PHF24: variants seen among roughly 807,000 people sequenced by gnomAD.
PHF24 encodes the protein PHD finger protein 24, also known as Galpha inhibitory interacting protein.
PHF24 carries 25 observed loss-of-function variants against 42.6 expected under a neutral mutation model. That is an observed-to-expected ratio of 0.59 (90% CI 0.43 to 0.82). The LOEUF (loss-of-function observed/expected upper bound fraction) is 0.82. Ranked by LOEUF, PHF24 falls within the 40% of genes least tolerant of loss-of-function variation. The pLI is 0.00. For synonymous variants in PHF24, 185 were observed against 204.8 expected (o/e 0.90, Z 0.83); for missense variants, 470 against 538.1 (o/e 0.87, Z 1.25).
At chr9:34,723,960 G>T in the PHF24 span, 1 of 1,550,934 alleles carries the variant, frequency 6.4e-7, no homozygotes. Context: ...CAGGACCCTC[G>T]GGGTGTCTTG....
chr9:34,962,307 C>A (rs969680543), intron 1 of PHF24, among the ~76,000 whole-genome samples: 2 of 152,158 alleles, frequency 1.3e-5, no homozygotes, highest in African/African-American at 4.8e-5. Flanking sequence ...ATGATGGAGT[C>A]CCCATATAGC....
At chr9:34,933,724 C>CAA in the PHF24 span, among the ~76,000 whole-genome samples, 34 of 110,604 alleles carry the variant, frequency 3.1e-4, no homozygotes, top group East Asian at 6.7e-3. Context: ...GACTCTGTCT[C>CAA]AAAAAAAAAA....
chr9:34,739,724 G>T, the PHF24 span, among the ~76,000 whole-genome samples: 1 of 152,268 alleles, frequency 6.6e-6, no homozygotes, highest in East Asian at 1.9e-4. Flanking sequence ...ACCAGCAAGA[G>T]TTATTGCAAA....
chr9:34,724,789 G>A, the PHF24 span: 732,799 of 1,528,948 alleles, frequency 0.48, 178,933 homozygotes, highest in East Asian at 0.62. Flanking sequence ...GGATTTCCAC[G>A]GGACTAGGCT....
the PHF24 span, among the ~76,000 whole-genome samples, chr9:34,943,907 C>G: frequency 6.6e-6 from 1 of 152,248 alleles, no homozygotes; most frequent in African/African-American, 2.4e-5. Context: ...GGAGCCACCA[C>G]TGTGGTGCTA....
At chr9:34,671,822 T>G in the PHF24 span, among the ~76,000 whole-genome samples, 4 of 151,782 alleles carry the variant, frequency 2.6e-5, no homozygotes, top group Admixed American at 2.0e-4. Context: ...CATCCATCCA[T>G]CCATCCATCC....
chr9:34,789,478 G>A, the PHF24 span, among the ~76,000 whole-genome samples: 1 of 152,204 alleles, frequency 6.6e-6, no homozygotes, highest in Non-Finnish European at 1.5e-5. Context: ...GCAATAGAGG[G>A]AGGAGCTACA....
At chr9:34,896,821 A>G in the PHF24 span, among the ~76,000 whole-genome samples, 18 of 152,228 alleles carry the variant, frequency 1.2e-4, no homozygotes, top group African/African-American at 4.1e-4. Context: ...TTCCTTGAGA[A>G]GTTCTTGCCC....
chr9:34,740,922 G>A, the PHF24 span, among the ~76,000 whole-genome samples: 1 of 149,394 alleles, frequency 6.7e-6, no homozygotes, highest in Non-Finnish European at 1.5e-5. Flanking sequence ...TTCCACTCTT[G>A]TCGCCCAGAT....
chr9:34,963,728 C>T (rs1826674904), intron 1 of PHF24, among the ~76,000 whole-genome samples: 1 of 152,158 alleles, frequency 6.6e-6, no homozygotes, highest in African/African-American at 2.4e-5. Flanking sequence ...CTTAACTCTC[C>T]TCTGTAGTCA....
the PHF24 span, chr9:34,726,537 C>G: frequency 6.4e-7 from 1 of 1,551,812 alleles, no homozygotes; most frequent in Non-Finnish European, 8.7e-7. Context: ...GTCATCTCCT[C>G]CTGGTTCAGT....
chr9:34,731,644 T>A, the PHF24 span, among the ~76,000 whole-genome samples: 1 of 152,262 alleles, frequency 6.6e-6, no homozygotes, highest in Non-Finnish European at 1.5e-5. Context: ...TCTTTTTTTA[T>A]GGCTGAATAG....
the PHF24 span, among the ~76,000 whole-genome samples, chr9:34,821,019 A>C: frequency 1.3e-5 from 2 of 151,922 alleles, no homozygotes; most frequent in African/African-American, 4.8e-5. Flanking sequence ...TTTGTTGGAC[A>C]CTCGTATGTC....
the PHF24 span, among the ~76,000 whole-genome samples, chr9:34,731,313 T>C: frequency 2.6e-5 from 4 of 152,214 alleles, no homozygotes; most frequent in African/African-American, 9.6e-5. Flanking sequence ...TATTTGAAAA[T>C]GTACAATAAA....
At chr9:34,806,376 T>G in the PHF24 span, among the ~76,000 whole-genome samples, 1 of 152,232 alleles carries the variant, frequency 6.6e-6, no homozygotes, top group East Asian at 1.9e-4. Context: ...ACTTAGCTTT[T>G]CTTTAATTTC....
chr9:34,865,499 G>T, the PHF24 span, among the ~76,000 whole-genome samples: 1 of 152,078 alleles, frequency 6.6e-6, no homozygotes, highest in Non-Finnish European at 1.5e-5. Context: ...AGGAGGCAGA[G>T]GTTTCAGTGA....
At chr9:34,835,326 G>A in the PHF24 span, 11 of 1,551,672 alleles carry the variant, frequency 7.1e-6, no homozygotes, top group South Asian at 1.3e-4. Flanking sequence ...TAATACAATG[G>A]TGGGTTTGGC....
the PHF24 span, chr9:34,725,913 A>T: frequency 6.4e-7 from 1 of 1,551,944 alleles, no homozygotes; most frequent in Non-Finnish European, 8.7e-7. Context: ...GCAACCAGGG[A>T]CTCACTGTGC....
the PHF24 span, among the ~76,000 whole-genome samples, chr9:34,681,735 C>G: frequency 2.0e-5 from 3 of 152,308 alleles, no homozygotes; most frequent in Non-Finnish European, 2.9e-5. Context: ...TGCTTGAACC[C>G]AGGAGTTGGA....
Sources: gnomAD v4.1 joint callset for allele counts (sites outside exome capture counted in the v4.1 genomes callset) on GRCh38, gnomAD v4.1.1 for gene constraint, MANE v1.5 for transcripts, NCBI Gene and HGNC (gene_info 2026-07-23, HGNC 2026-07-21) for gene names.